Variants in DLG2 observed in about 807,000 individuals in gnomAD.
DLG2 encodes the protein discs large MAGUK scaffold protein 2.
A neutral mutation model predicts 132.5 loss-of-function variants in DLG2; 45 were observed. The ratio of observed to expected loss-of-function variants is 0.34; its 90% CI spans 0.27 to 0.44. DLG2 has a LOEUF of 0.44. DLG2 is among the 20% of genes least tolerant of loss of function. The probability of loss-of-function intolerance (pLI) is 1.00; values close to 1 mark genes in which losing one functional copy is unlikely to be tolerated. For missense variants in DLG2, 1,045 were observed against 1,196.9 expected (o/e 0.87, Z 1.87); for synonymous variants, 424 against 419.6 (o/e 1.01, Z -0.13).
chr11:85,587,854 A>G (rs1208780768), intron 3 of DLG2, among the ~76,000 whole-genome samples: 2 of 152,174 alleles, frequency 1.3e-5, no homozygotes, highest in Non-Finnish European at 2.9e-5. Flanking sequence ...TTCAGGATTT[A>G]GATCTCGTTT....
chr11:84,435,802 G>C (rs1342643491), intron 7 of DLG2, among the ~76,000 whole-genome samples: 1 of 152,064 alleles, frequency 6.6e-6, no homozygotes, highest in African/African-American at 2.4e-5. Flanking sequence ...GAATTTTATA[G>C]AGCTGCTATT....
At chr11:83,761,753 T>C (rs1049596241) in intron 18 of DLG2, among the ~76,000 whole-genome samples, 7 of 152,236 alleles carry the variant, frequency 4.6e-5, no homozygotes, top group African/African-American at 7.2e-5. Flanking sequence ...TGTTCCCTAA[T>C]ACATGGGAAA....
chr11:83,741,027 T>A (rs2092463748), intron 18 of DLG2, among the ~76,000 whole-genome samples: 1 of 152,104 alleles, frequency 6.6e-6, no homozygotes, highest in Non-Finnish European at 1.5e-5. Flanking sequence ...ATTCACCACA[T>A]AAACAGAATC....
intron 6 of DLG2, among the ~76,000 whole-genome samples, chr11:84,663,247 A>T (rs199733885): frequency 0.29 from 23,141 of 79,420 alleles, 2,142 homozygotes; most frequent in South Asian, 0.35. Flanking sequence ...ATATATATAT[A>T]TATTTTTTTT....
intron 7 of DLG2, among the ~76,000 whole-genome samples, chr11:84,470,253 G>A (rs2099105200): frequency 6.6e-6 from 1 of 151,750 alleles, no homozygotes; most frequent in African/African-American, 2.4e-5. Context: ...AAAAGAAGGT[G>A]ATAGAATTGG....
intron 18 of DLG2, among the ~76,000 whole-genome samples, chr11:83,742,210 A>ACCACACACACACACACACACAC (rs71463182): frequency 4.8e-5 from 7 of 147,006 alleles, no homozygotes; most frequent in African/African-American, 1.8e-4. Flanking sequence ...CCACACTTTT[A>ACCACACACACACACACACACAC]ACACACACAC....
At chr11:84,845,705 G>C (rs1030285978) in intron 6 of DLG2, among the ~76,000 whole-genome samples, 1 of 141,716 alleles carries the variant, frequency 7.1e-6, no homozygotes, top group Non-Finnish European at 1.5e-5. Context: ...TTTTGACACA[G>C]GATCTCACTC....
intron 14 of DLG2, among the ~76,000 whole-genome samples, chr11:83,933,878 T>C (rs2080894150): frequency 1.3e-5 from 2 of 151,940 alleles, no homozygotes; most frequent in African/African-American, 2.4e-5. Context: ...CTATGGAAGG[T>C]GAATAATGTG....
At chr11:83,957,289 A>AT (rs1314040397) in intron 14 of DLG2, among the ~76,000 whole-genome samples, 3 of 152,356 alleles carry the variant, frequency 2.0e-5, no homozygotes, top group Non-Finnish European at 4.4e-5. Context: ...AAAGAAACAA[A>AT]TAACAGTGGC....
chr11:83,936,836 G>T (rs1565714700), intron 14 of DLG2, among the ~76,000 whole-genome samples: 1 of 152,304 alleles, frequency 6.6e-6, no homozygotes, highest in East Asian at 1.9e-4. Context: ...AAGGGAGAGG[G>T]ATCTCTGTTT....
At position 84,619,313 on chromosome 11, in the gene DLG2, T is replaced by C. The variant is rs150681433; in HGVS notation, c.358-84582A>G. The stretch of plus-strand genomic sequence containing the variant: ...GGGTTGGAATGTTAATTTAAAATAC[T>C]GCATATCATATATTATATAATACCA... On this transcript the variant is annotated intron_variant, in intron 6 of 27. Coordinates refer to ENST00000376104, the MANE Select transcript of DLG2 (RefSeq NM_001142699.3). 2.4e-3 allele frequency among the ~76,000 whole-genome samples: 371 copies of C among 152,012 alleles called. 1 individual carries two copies. The highest frequency in any genetic ancestry group is 3.8e-3 in the Non-Finnish European group (261 of 67,838).
At chr11:85,399,711 GA>G (rs1283126954) in intron 3 of DLG2, among the ~76,000 whole-genome samples, 2 of 152,134 alleles carry the variant, frequency 1.3e-5, no homozygotes, top group Admixed American at 6.6e-5. Flanking sequence ...ATGGTGCTGG[GA>G]AAACTGGCTA....
chr11:84,529,403 T>C (rs2154519706), intron 7 of DLG2, among the ~76,000 whole-genome samples: 1 of 152,220 alleles, frequency 6.6e-6, no homozygotes, highest in Admixed American at 6.5e-5. Flanking sequence ...CCCCTTAGTC[T>C]CTACCCAAAA....
At chr11:84,062,722 A>C (rs1566293220) in intron 10 of DLG2, among the ~76,000 whole-genome samples, 1 of 133,158 alleles carries the variant, frequency 7.5e-6, no homozygotes. Flanking sequence ...AGACACTCAG[A>C]GTTGATTGTT....
chr11:83,546,814 G>A (rs1481421875), intron 19 of DLG2, among the ~76,000 whole-genome samples: 1 of 152,100 alleles, frequency 6.6e-6, no homozygotes, highest in Non-Finnish European at 1.5e-5. Context: ...AAAGATGCAT[G>A]AGTAGTTTTT....
intron 21 of DLG2, among the ~76,000 whole-genome samples, chr11:83,511,087 G>GACACACACACACACACACACACACAC (rs60156321): frequency 5.6e-4 from 77 of 138,580 alleles, no homozygotes; most frequent in South Asian, 9.4e-4. Flanking sequence ...CACACACACA[G>GACACACACACACACACACACACACAC]ACACACACAC....
In DLG2 at chr11:85,328,619, G is replaced by A. The variant is rs1352231313; in HGVS notation, c.41-43254C>T. ...TCAATAAATTAGGTATTGATGGGAC[G>A]TATTTCAAAATAATAAGAGCTATCT... is the stretch of plus-strand genomic sequence containing the variant. On this transcript the variant is annotated intron_variant, in intron 3 of 27. Transcript: ENST00000376104. Among the ~76,000 whole-genome samples, 219 of 126,026 alleles carry A rather than the reference G, an allele frequency of 1.7e-3. 1 individual carries two copies. The highest frequency in any genetic ancestry group is 3.8e-3 in the African/African-American group (125 of 32,596). The allele number at this position is 126,026 out of a possible 152,430, so 82.7% of individuals were successfully genotyped here.
At chr11:85,444,973 T>A (rs2091943052) in intron 3 of DLG2, among the ~76,000 whole-genome samples, 1 of 151,996 alleles carries the variant, frequency 6.6e-6, no homozygotes, top group Non-Finnish European at 1.5e-5. Flanking sequence ...ACCATGAGAA[T>A]AAAAAGGATT....
intron 9 of DLG2, among the ~76,000 whole-genome samples, chr11:84,139,357 G>C (rs1212360845): frequency 6.6e-6 from 1 of 152,114 alleles, no homozygotes; most frequent in Non-Finnish European, 1.5e-5. Context: ...ATAATCAGGA[G>C]CATTGCCAGA....
Sources: gnomAD v4.1 joint callset for allele counts (sites outside exome capture counted in the v4.1 genomes callset) on GRCh38, gnomAD v4.1.1 for gene constraint, MANE v1.5 for transcripts, NCBI Gene and HGNC (gene_info 2026-07-23, HGNC 2026-07-21) for gene names.